CNTN4: variants seen among roughly 807,000 people sequenced by gnomAD.
The protein encoded by CNTN4 is contactin-4.
Under a neutral mutation model 122.5 loss-of-function variants are expected in CNTN4, and 77 were observed. The observed-to-expected ratio is 0.63, with a 90% CI of 0.52 to 0.76. The LOEUF (loss-of-function observed/expected upper bound fraction) is 0.76, where lower values mean the gene tolerates loss of function less well. Ranked by LOEUF, CNTN4 falls within the 30% of genes least tolerant of loss-of-function variation. CNTN4 has a pLI of 0.00. For synonymous variants in CNTN4, 512 were observed against 447.0 expected (o/e 1.15, Z -1.83); for missense variants, 1,256 against 1,259.1 (o/e 1.00, Z 0.04).
chr3:2,891,062 C>T (rs560940669), intron 10 of CNTN4, among the ~76,000 whole-genome samples: 3 of 152,146 alleles, frequency 2.0e-5, no homozygotes, highest in East Asian at 3.9e-4. Context: ...AGACAAAATC[C>T]CTGCCCTCAA....
intron 6 of CNTN4, among the ~76,000 whole-genome samples, chr3:2,763,357 A>G (rs1040463695): frequency 2.0e-5 from 3 of 152,140 alleles, no homozygotes; most frequent in Non-Finnish European, 4.4e-5. Context: ...TGTAAATTTA[A>G]GTTCCTTATA....
At chr3:2,581,675 A>G (rs559705281) in intron 4 of CNTN4, among the ~76,000 whole-genome samples, 19 of 152,318 alleles carry the variant, frequency 1.2e-4, no homozygotes, top group African/African-American at 4.3e-4. Context: ...AATTGCATTG[A>G]CCAAAACAGA....
chr3:2,897,043 T>C (rs1441562102), intron 10 of CNTN4, among the ~76,000 whole-genome samples: 2 of 150,328 alleles, frequency 1.3e-5, no homozygotes, highest in Admixed American at 1.3e-4. Context: ...TTTTAGAAAA[T>C]CGAAGCGCCA....
intron 3 of CNTN4, chr3:2,511,548 C>T (rs1360577627): frequency 1.3e-5 from 2 of 152,256 alleles, no homozygotes. Context: ...AATATGGTCC[C>T]ATTATCTCCC....
chr3:2,168,774 T>A (rs2036314161), intron 2 of CNTN4, among the ~76,000 whole-genome samples: 1 of 152,142 alleles, frequency 6.6e-6, no homozygotes, highest in Admixed American at 6.5e-5. Flanking sequence ...TAATACATTT[T>A]CAAAATCAGT....
chr3:2,297,189 A>G (rs1394157078), intron 2 of CNTN4, among the ~76,000 whole-genome samples: 1 of 152,174 alleles, frequency 6.6e-6, no homozygotes, highest in Non-Finnish European at 1.5e-5. Context: ...TCCAGATTTG[A>G]TGTGTGGTAT....
At position 2,877,529 on chromosome 3, in the gene CNTN4, A is replaced by G. The variant is rs148716648; in HGVS notation, c.653-5616A>G. On this transcript the variant is annotated intron_variant, in intron 8 of 24. Transcript: ENST00000418658. Reference sequence around the variant, plus strand: ...AGTTGTCTTTACAGGCAAATCATGTATTTCATATAGCAGAAAAGTATGGCT... The same window carrying G: ...AGTTGTCTTTACAGGCAAATCATGTGTTTCATATAGCAGAAAAGTATGGCT... Among the ~76,000 whole-genome samples, 49 of 152,330 alleles carry G rather than the reference A, an allele frequency of 3.2e-4. No homozygotes were observed. The East Asian group carries it at 9.3e-3, about 29-fold the overall frequency.
chr3:3,034,904 TGGCAGTGTTTCCTAAACCTC>T (rs1699468577), intron 17 of CNTN4, 114 bp downstream of exon 17: 1 of 1,134,400 alleles, frequency 8.8e-7, no homozygotes, highest in Non-Finnish European at 1.3e-6. Context: ...TGATATATTA[TGGCAGTGTTTCCTAAACCTC>T]GGCCAACTGT....
chr3:2,833,682 A>C (rs866150144), intron 7 of CNTN4, among the ~76,000 whole-genome samples: 1 of 152,250 alleles, frequency 6.6e-6, no homozygotes, highest in Admixed American at 6.5e-5. Flanking sequence ...TTGGTGTTTT[A>C]TACATGGTGT....
chr3:2,345,539 T>G (rs1356432581), intron 3 of CNTN4, among the ~76,000 whole-genome samples: 1 of 152,206 alleles, frequency 6.6e-6, no homozygotes, highest in Non-Finnish European at 1.5e-5. Flanking sequence ...AGCATGGGTG[T>G]CATTTGTTCT....
intron 3 of CNTN4, among the ~76,000 whole-genome samples, chr3:2,476,780 C>T (rs1156558282): frequency 1.3e-5 from 2 of 152,138 alleles, no homozygotes; most frequent in Non-Finnish European, 2.9e-5. Context: ...TTGAATTATA[C>T]ACTTATAACA....
At chr3:2,528,140 G>A (rs996201884) in intron 3 of CNTN4, among the ~76,000 whole-genome samples, 1 of 152,088 alleles carries the variant, frequency 6.6e-6, no homozygotes, top group Non-Finnish European at 1.5e-5. Flanking sequence ...TGAATTGGTT[G>A]CATCTTGTTC....
intron 3 of CNTN4, chr3:2,511,289 T>C (rs555365723): frequency 1.3e-5 from 2 of 152,252 alleles, no homozygotes; most frequent in Non-Finnish European, 2.9e-5. Context: ...TGTGTGAGCC[T>C]CTGTGTATTT....
At chr3:3,007,210 C>T (rs569460309) in intron 14 of CNTN4, among the ~76,000 whole-genome samples, 7 of 152,356 alleles carry the variant, frequency 4.6e-5, no homozygotes, top group African/African-American at 1.4e-4. Context: ...TTCAAATCTG[C>T]AGCACGTCTT....
chr3:3,000,880 C>CTTTTTTTT (rs59337830), intron 14 of CNTN4, among the ~76,000 whole-genome samples: 46 of 131,420 alleles, frequency 3.5e-4, no homozygotes, highest in East Asian at 9.3e-4. Flanking sequence ...TTCTTTCTTT[C>CTTTTTTTT]TTTTTTTTTT....
chr3:2,714,625 A>G (rs770651626), intron 4 of CNTN4, among the ~76,000 whole-genome samples: 6 of 152,230 alleles, frequency 3.9e-5, no homozygotes, highest in African/African-American at 7.2e-5. Context: ...GCAGTACTCA[A>G]TGAGAAAACC....
chr3:2,903,410 T>C (rs1244280943), intron 12 of CNTN4, among the ~76,000 whole-genome samples: 2 of 152,202 alleles, frequency 1.3e-5, no homozygotes, highest in Admixed American at 1.3e-4. Flanking sequence ...CTTCCACATC[T>C]GAATTTTTCC....
At position 2,168,582 on chromosome 3, in the gene CNTN4, A is replaced by G. The variant is rs1280056396; in HGVS notation, c.-145+67943A>G. ...TTATAAAACAAAATAAATTAATAAA[A>G]AGTGAATAGTTATTTAAAAGTAGAA... is the stretch of plus-strand genomic sequence containing the variant. On this transcript the variant is annotated intron_variant, in intron 2 of 24. Transcript: ENST00000418658. Among the ~76,000 whole-genome samples, 3 of 151,996 alleles carry G rather than the reference A, an allele frequency of 2.0e-5. No individual in the cohort carries two copies. The East Asian group carries it at 5.8e-4, about 29-fold the overall frequency.
intron 14 of CNTN4, among the ~76,000 whole-genome samples, chr3:3,024,889 C>G (rs1574854884): frequency 6.6e-6 from 1 of 152,170 alleles, no homozygotes; most frequent in Non-Finnish European, 1.5e-5. Context: ...ATGTACCTCA[C>G]AGCCTGAAAT....
Sources: allele counts gnomAD v4.1 joint callset (sites outside exome capture counted in the v4.1 genomes callset), GRCh38; gene constraint gnomAD v4.1.1; transcripts MANE v1.5; gene names NCBI Gene and HGNC (gene_info 2026-07-23, HGNC 2026-07-21).